The following BRIP1 variants were observed in gnomAD, a reference collection of about 807,000 sequenced individuals.
BRIP1 encodes Fanconi anemia group J protein.
Under a neutral mutation model 119.7 loss-of-function variants are expected in BRIP1, and 88 were observed. The ratio of observed to expected loss-of-function variants is 0.74; its 90% CI spans 0.62 to 0.88. BRIP1 has a LOEUF of 0.88. Among genes scored for constraint, BRIP1 ranks in the 40% least tolerant of loss-of-function variants. The pLI, the probability that BRIP1 is intolerant of heterozygous loss-of-function variation, is 0.00. For missense variants in BRIP1, 1,259 were observed against 1,455.4 expected (o/e 0.87, Z 2.20); for synonymous variants, 443 against 496.5 (o/e 0.89, Z 1.43).
Position 61,699,771 on chromosome 17 carries a change from A to G in BRIP1, c.2493-6259T>C, listed in dbSNP as rs1460566874. Among the ~76,000 whole-genome samples, 1 of 152,186 alleles carries G rather than the reference A, an allele frequency of 6.6e-6. No homozygotes were observed. The highest frequency in any genetic ancestry group is 1.5e-5 in the Non-Finnish European group (1 of 68,034). On this transcript the variant is annotated intron_variant, in intron 17 of 19. Coordinates refer to ENST00000259008, the MANE Select transcript of BRIP1 (RefSeq NM_032043.3). This position sits in a 1 kb window ranked among gnomAD's most constrained non-coding sequence, Gnocchi z 4.8. ...CTCACTGTGCCTGAACTGTTTGAGT[A>G]AACAATATATTAATGCTGAATACTC...
chr17:61,737,361 C>T, intron 16 of BRIP1, among the ~76,000 whole-genome samples: 1 of 152,012 alleles, frequency 6.6e-6, no homozygotes, highest in East Asian at 1.9e-4. Flanking sequence ...TTGGACCTCA[C>T]CATATATCAC....
At position 61,857,130 on chromosome 17, in the gene BRIP1, C is replaced by T. The variant is rs777068696; in HGVS notation, c.307G>A (p.Gly103Arg). 6.2e-7 allele frequency: 1 copy of T among 1,614,004 alleles called. No individual in the cohort carries two copies. The highest frequency in any genetic ancestry group is 1.7e-5 in the Admixed American group (1 of 60,012). ...GGATAGTTGAAATGACGTGAAGTTC[C>T]TTGGTTCATGTCATTGTTTGTAAAA... The part of the protein sequence containing the change: ...KDFTNNDMNQ[G>R]TSRHFNYPST... The change falls in exon 4 of 20, where the codon GGA (glycine) becomes AGA (arginine). Residue 103 changes from glycine (G) to arginine (R), a missense_variant. This residue lies in a region of BRIP1 where 501 missense variants were observed against 544.0 expected (regional missense o/e 0.92). Transcript: ENST00000259008. The surrounding 1 kb of genome is among the most constrained non-coding windows in gnomAD (Gnocchi z 5.1).
rs994007526 is a variant in BRIP1, at chr17:61,745,043, A to G, written c.2098-452T>C. On this transcript the variant is annotated intron_variant, in intron 14 of 19. Coordinates refer to ENST00000259008, the MANE Select transcript of BRIP1 (RefSeq NM_032043.3). The surrounding 1 kb of genome is among the most constrained non-coding windows in gnomAD (Gnocchi z 4.4). ...TAAACCTAAGGTGAAGTTTCTTAATATTCTTAAATAGTCTTCAAATGAAGA... is the reference window on the plus strand; with the variant it reads ...TAAACCTAAGGTGAAGTTTCTTAATGTTCTTAAATAGTCTTCAAATGAAGA... Among the ~76,000 whole-genome samples the G allele has an allele frequency of 6.6e-6, 1 of 152,222 alleles. No individual in the cohort carries two copies. Among genetic ancestry groups the G allele is most frequent in the Non-Finnish European group, 1.5e-5 (1 of 68,038 alleles).
intron 6 of BRIP1, among the ~76,000 whole-genome samples, chr17:61,829,928 C>CTTT (rs59921365): frequency 6.8e-6 from 1 of 147,476 alleles, no homozygotes; most frequent in African/African-American, 2.5e-5. Flanking sequence ...AAGTTTCAAT[C>CTTT]TTTTTTTTTT....
At position 61,692,926 on chromosome 17, in the gene BRIP1, T is replaced by C. The variant is rs1230067974; in HGVS notation, c.2575+504A>G. Among the ~76,000 whole-genome samples, 5 of 152,168 alleles carry C rather than the reference T, an allele frequency of 3.3e-5. No individual in the cohort carries two copies. In the South Asian group the frequency reaches 8.3e-4, roughly 25 times the overall value. On this transcript the variant is annotated intron_variant, in intron 18 of 19. Transcript: ENST00000259008. ...AGAGATATCTGCATTCCCATGTCCA[T>C]TGCAGCATTGTTCCCAATATCCATG...
intron 16 of BRIP1, among the ~76,000 whole-genome samples, chr17:61,716,831 G>GA (rs371307141): frequency 3.7e-4 from 55 of 150,248 alleles, no homozygotes; most frequent in African/African-American, 5.9e-4. Context: ...TCCACTACTG[G>GA]ATTATTAGCT....
rs1425633107 is a variant in BRIP1, at chr17:61,755,815, A to C, written c.2098-11224T>G. ...GAGAGTAAATAGGATACTAAGTCTGAGATACTGCAAGTTACGAGAGGAAAG... is the reference window on the plus strand; with the variant it reads ...GAGAGTAAATAGGATACTAAGTCTGCGATACTGCAAGTTACGAGAGGAAAG... On this transcript the variant is annotated intron_variant, in intron 14 of 19. Transcript: ENST00000259008. This position sits in a 1 kb window ranked among gnomAD's most constrained non-coding sequence, Gnocchi z 4.5. 1.3e-5 allele frequency among the ~76,000 whole-genome samples: 2 copies of C among 152,198 alleles called. No homozygotes were observed. Among genetic ancestry groups the C allele is most frequent in the African/African-American group, 4.8e-5 (2 of 41,430 alleles).
At position 61,794,919 on chromosome 17, in the gene BRIP1, A is replaced by C. The variant is rs1310231814; in HGVS notation, c.1341-1190T>G. Among the ~76,000 whole-genome samples, 1 of 151,818 alleles carries C rather than the reference A, an allele frequency of 6.6e-6. No individual in the cohort carries two copies. Among genetic ancestry groups the C allele is most frequent in the African/African-American group, 2.4e-5 (1 of 41,364 alleles). ...AGGAACAGCTAGGAGAAAGGTCCTG[A>C]GGTGGTTAGCAAATTTTGCTTGTTT... On this transcript the variant is annotated intron_variant, in intron 9 of 19. Transcript: ENST00000259008. This position sits in a 1 kb window ranked among gnomAD's most constrained non-coding sequence, Gnocchi z 4.3.
At chr17:61,727,750 CTCTG>C (rs201461511) in intron 16 of BRIP1, among the ~76,000 whole-genome samples, 3 of 144,876 alleles carry the variant, frequency 2.1e-5, no homozygotes, top group East Asian at 2.0e-4. Flanking sequence ...GCAACAGAGA[CTCTG>C]TCTGTCTGTC....
At position 61,746,612 on chromosome 17, in the gene BRIP1, A is replaced by T. The variant is rs1237779380; in HGVS notation, c.2098-2021T>A. Reference sequence around the variant, plus strand: ...CAAAAAAAAAGGACATTATATAATGATAAATGGGTCAATTCACTGGGAATA... The same window carrying T: ...CAAAAAAAAAGGACATTATATAATGTTAAATGGGTCAATTCACTGGGAATA... On this transcript the variant is annotated intron_variant, in intron 14 of 19. Coordinates refer to ENST00000259008, the MANE Select transcript of BRIP1 (RefSeq NM_032043.3). The surrounding 1 kb of genome is among the most constrained non-coding windows in gnomAD (Gnocchi z 4.9). 6.6e-6 allele frequency among the ~76,000 whole-genome samples: 1 copy of T among 152,140 alleles called. No homozygotes were observed. The highest frequency in any genetic ancestry group is 1.5e-5 in the Non-Finnish European group (1 of 67,986).
chr17:61,785,929 G>GC (rs1555604003), intron 10 of BRIP1, among the ~76,000 whole-genome samples: 1 of 98,152 alleles, frequency 1.0e-5, no homozygotes, highest in Admixed American at 1.6e-4. Flanking sequence ...CAGCTGGGTT[G>GC]GGGGGGGTAG....
In BRIP1 at chr17:61,842,639, C is replaced by T. The variant is rs868656384; in HGVS notation, c.627+4462G>A. ...ACTACAAATATGTAATATTATTAGT[C>T]GGTATTATATAGAATCTTTTATCAG... On this transcript the variant is annotated intron_variant, in intron 6 of 19. Transcript: ENST00000259008. This position sits in a 1 kb window ranked among gnomAD's most constrained non-coding sequence, Gnocchi z 5.1. Among the ~76,000 whole-genome samples the T allele has an allele frequency of 4.6e-5, 7 of 152,016 alleles. No homozygotes were observed. The highest frequency in any genetic ancestry group is 1.2e-4 in the African/African-American group (5 of 41,402).
In BRIP1 at chr17:61,684,098, A is replaced by G. The variant is rs587781417; in HGVS notation, c.2948T>C (p.Ile983Thr). The G allele has an allele frequency of 6.2e-7, 1 of 1,613,492 alleles. No individual in the cohort carries two copies. The highest frequency in any genetic ancestry group is 1.7e-5 in the Admixed American group (1 of 59,938). The change falls in exon 20 of 20, where the codon ATT becomes ACT. Residue 983 changes from isoleucine (I) to threonine (T), a missense_variant. Coordinates refer to ENST00000259008, the MANE Select transcript of BRIP1 (RefSeq NM_032043.3). The surrounding 1 kb of genome is among the most constrained non-coding windows in gnomAD (Gnocchi z 4.5). ...FLEEAGKAEKIVISRSTSPTF... is the reference protein window; with the variant it reads ...FLEEAGKAEKTVISRSTSPTF... ...TGGGCTTGTGGATCTGGAAATCACAATTTTTTCTGCTTTCCCTGCTTCTTC... is the reference window on the plus strand; with the variant it reads ...TGGGCTTGTGGATCTGGAAATCACAGTTTTTTCTGCTTTCCCTGCTTCTTC...
intron 6 of BRIP1, among the ~76,000 whole-genome samples, chr17:61,835,855 G>C (rs912528509): frequency 6.6e-6 from 1 of 152,098 alleles, no homozygotes; most frequent in African/African-American, 2.4e-5. Context: ...ATTAGAGCCT[G>C]ACCTCATACA....
chr17:61,736,267 G>T lies in BRIP1; in HGVS notation c.2379+6746C>A, dbSNP rs1603301326. Among the ~76,000 whole-genome samples, 1 of 152,068 alleles carries T rather than the reference G, an allele frequency of 6.6e-6. No homozygotes were observed. Among genetic ancestry groups the T allele is most frequent in the East Asian group, 1.9e-4 (1 of 5,190 alleles). On this transcript the variant is annotated intron_variant, in intron 16 of 19. Transcript: ENST00000259008. This position sits in a 1 kb window ranked among gnomAD's most constrained non-coding sequence, Gnocchi z 4.4. ...CAATTGAGCCCATGAGCTCAAGGCTGCAGTGAGCTATGATTGTGCCACTGC... is the reference window on the plus strand; with the variant it reads ...CAATTGAGCCCATGAGCTCAAGGCTTCAGTGAGCTATGATTGTGCCACTGC...
At position 61,712,798 on chromosome 17, in the gene BRIP1, G is replaced by C. The variant is rs187824316; in HGVS notation, c.2492+3153C>G. Among the ~76,000 whole-genome samples, 27 of 152,100 alleles carry C rather than the reference G, an allele frequency of 1.8e-4. No homozygotes were observed. In the East Asian group the frequency reaches 5.3e-3, roughly 30 times the overall value. ...GCGAGCCTGTAGTGCCAGCTACTTGGGAGGCTGAGGCAGGAGAATTGCTTG... is the reference window on the plus strand; with the variant it reads ...GCGAGCCTGTAGTGCCAGCTACTTGCGAGGCTGAGGCAGGAGAATTGCTTG... On this transcript the variant is annotated intron_variant, in intron 17 of 19. Coordinates refer to ENST00000259008, the MANE Select transcript of BRIP1 (RefSeq NM_032043.3).
In BRIP1 at chr17:61,761,463, G is replaced by A. The variant is rs992708791; in HGVS notation, c.2097+14938C>T. ...GCATCCAAATAGAAAAGAAAAAAGTGAAACTGCCCCTGTTTGCTGAAGACA... is the reference window on the plus strand; with the variant it reads ...GCATCCAAATAGAAAAGAAAAAAGTAAAACTGCCCCTGTTTGCTGAAGACA... On this transcript the variant is annotated intron_variant, in intron 14 of 19. Transcript: ENST00000259008. This position sits in a 1 kb window ranked among gnomAD's most constrained non-coding sequence, Gnocchi z 6.4. 2.6e-5 allele frequency among the ~76,000 whole-genome samples: 4 copies of A among 151,806 alleles called. No homozygotes were observed. Among genetic ancestry groups the A allele is most frequent in the African/African-American group, 9.7e-5 (4 of 41,390 alleles).
intron 9 of BRIP1, among the ~76,000 whole-genome samples, chr17:61,797,427 C>T (rs979324420): frequency 4.6e-5 from 7 of 151,864 alleles, no homozygotes; most frequent in African/African-American, 9.7e-5. Flanking sequence ...ATAAAAGAAA[C>T]AATAACCTCT....
intron 4 of BRIP1, among the ~76,000 whole-genome samples, chr17:61,855,625 A>T (rs1177841568): frequency 6.6e-6 from 1 of 151,606 alleles, no homozygotes; most frequent in African/African-American, 2.4e-5. Context: ...GCAATTTGTT[A>T]TGTCAAGTAA....
Sources: allele counts gnomAD v4.1 joint callset (sites outside exome capture counted in the v4.1 genomes callset), GRCh38; gene constraint gnomAD v4.1.1; regional missense constraint gnomAD v4.1.1; non-coding constraint Gnocchi (gnomAD v3.1); transcripts MANE v1.5; gene names NCBI Gene and HGNC (gene_info 2026-07-23, HGNC 2026-07-21).